Variants in FGF14 observed in about 807,000 individuals in gnomAD.
FGF14 encodes the protein fibroblast growth factor homologous factor 4.
Under a neutral mutation model 25.5 loss-of-function variants are expected in FGF14, and 5 were observed. The ratio of observed to expected loss-of-function variants is 0.20; its 90% CI spans 0.10 to 0.41. FGF14 has a LOEUF of 0.41. Ranked by LOEUF, FGF14 falls within the 10% of genes least tolerant of loss-of-function variation. The probability of loss-of-function intolerance (pLI) is 1.00; values close to 1 mark genes in which losing one functional copy is unlikely to be tolerated. For synonymous variants in FGF14, 138 were observed against 118.3 expected, an observed-to-expected ratio of 1.17 and a Z score of -1.08; for missense variants, 222 against 320.1, an observed-to-expected ratio of 0.69 and a Z score of 2.34.
At chr13:101,859,331 C>G (rs1380727647) in intron 3 of FGF14, among the ~76,000 whole-genome samples, 1 of 152,142 alleles carries the variant, frequency 6.6e-6, no homozygotes, top group Non-Finnish European at 1.5e-5. Context: ...AGATAGAACT[C>G]TTAGAATTCA....
intron 3 of FGF14, among the ~76,000 whole-genome samples, chr13:101,855,426 C>T (rs1392280618): frequency 1.3e-5 from 2 of 151,932 alleles, no homozygotes; most frequent in African/African-American, 4.8e-5. Flanking sequence ...TGGTTAAGTT[C>T]ATTTTAACAT....
intron 1 of FGF14, among the ~76,000 whole-genome samples, chr13:101,913,528 T>C (rs1050576557): frequency 1.3e-5 from 2 of 152,168 alleles, no homozygotes; most frequent in Non-Finnish European, 2.9e-5. Context: ...TTCAAAAATG[T>C]GTATTACCCT....
At chr13:101,912,138 G>A (rs147110874) in intron 1 of FGF14, among the ~76,000 whole-genome samples, 1 of 151,976 alleles carries the variant, frequency 6.6e-6, no homozygotes, top group African/African-American at 2.4e-5. Flanking sequence ...CTATCACACT[G>A]GAGCAAAGCA....
intron 1 of FGF14, among the ~76,000 whole-genome samples, chr13:102,072,179 A>G (rs188261606): frequency 6.6e-6 from 1 of 152,314 alleles, no homozygotes; most frequent in East Asian, 1.9e-4. Flanking sequence ...TAAGAGGCAG[A>G]GATAGAAGGG....
intron 1 of FGF14, among the ~76,000 whole-genome samples, chr13:101,965,853 AAC>A (rs1191706710): frequency 6.6e-6 from 1 of 152,218 alleles, no homozygotes; most frequent in Non-Finnish European, 1.5e-5. Context: ...TCCTTCATTT[AAC>A]ACAGTCCAGT....
chr13:102,114,112 C>A (rs755164488), intron 1 of FGF14, among the ~76,000 whole-genome samples: 1 of 152,108 alleles, frequency 6.6e-6, no homozygotes, highest in Non-Finnish European at 1.5e-5. Context: ...TAATCTAGTC[C>A]AAGGAGGAAA....
At chr13:101,856,869 T>A (rs191024984) in intron 3 of FGF14, among the ~76,000 whole-genome samples, 127 of 152,136 alleles carry the variant, frequency 8.3e-4, no homozygotes, top group African/African-American at 3.0e-3. Flanking sequence ...TAACACAGTA[T>A]TGCCCACCAT....
intron 3 of FGF14, among the ~76,000 whole-genome samples, chr13:101,763,878 A>G (rs1281755381): frequency 2.6e-5 from 4 of 151,494 alleles, no homozygotes; most frequent in African/African-American, 9.7e-5. Flanking sequence ...AAACAAACAA[A>G]CAAACAAAAC....
intron 1 of FGF14, among the ~76,000 whole-genome samples, chr13:102,157,896 T>TGCA (rs2047423544): frequency 6.6e-6 from 1 of 152,192 alleles, no homozygotes; most frequent in Admixed American, 6.5e-5. Flanking sequence ...AAGACATTTA[T>TGCA]GCAGCCAAAA....
chr13:101,930,068 G>A (rs977454002), intron 1 of FGF14, among the ~76,000 whole-genome samples: 1 of 152,192 alleles, frequency 6.6e-6, no homozygotes. Context: ...TTTAACGTGA[G>A]AGCTTATTCT....
At chr13:101,925,203 T>G (rs1372691981) in intron 1 of FGF14, among the ~76,000 whole-genome samples, 1 of 152,158 alleles carries the variant, frequency 6.6e-6, no homozygotes, top group African/African-American at 2.4e-5. Context: ...AACATTCAAA[T>G]GTTTTGGTAT....
intron 3 of FGF14, among the ~76,000 whole-genome samples, chr13:101,804,183 A>T (rs2041066037): frequency 6.6e-6 from 1 of 152,208 alleles, no homozygotes; most frequent in South Asian, 2.1e-4. Flanking sequence ...AACAACTTGC[A>T]GTACTTAGAG....
At chr13:101,844,031 T>C (rs1343994056) in intron 3 of FGF14, among the ~76,000 whole-genome samples, 1 of 152,038 alleles carries the variant, frequency 6.6e-6, no homozygotes, top group African/African-American at 2.4e-5. Flanking sequence ...AGTGATTATT[T>C]AAATGAAATG....
intron 1 of FGF14, among the ~76,000 whole-genome samples, chr13:102,079,630 T>C (rs1253389772): frequency 6.6e-6 from 1 of 152,130 alleles, no homozygotes; most frequent in Non-Finnish European, 1.5e-5. Context: ...CCATACATGA[T>C]ACTGGGGCAC....
chr13:102,123,687 G>T (rs1383519698), intron 1 of FGF14, among the ~76,000 whole-genome samples: 1 of 152,094 alleles, frequency 6.6e-6, no homozygotes, highest in Non-Finnish European at 1.5e-5. Context: ...TTCTATTAGA[G>T]ATAGCGGATA....
At chr13:102,149,660 TG>T (rs956714992) in intron 1 of FGF14, among the ~76,000 whole-genome samples, 2 of 151,870 alleles carry the variant, frequency 1.3e-5, no homozygotes, top group Non-Finnish European at 2.9e-5. Flanking sequence ...GACTGATTGG[TG>T]GGGAGGGGAA....
At chr13:102,221,623 A>AAC (rs34205303) in intron 1 of FGF14, among the ~76,000 whole-genome samples, 63,629 of 149,940 alleles carry the variant, frequency 0.42, 13,466 homozygotes, top group Admixed American at 0.54. Context: ...CAAACACACA[A>AAC]ACACACACAC....
intron 1 of FGF14, among the ~76,000 whole-genome samples, chr13:101,926,968 G>A (rs2034406943): frequency 1.3e-5 from 2 of 152,152 alleles, no homozygotes; most frequent in African/African-American, 4.8e-5. Flanking sequence ...CAGAGGAAGA[G>A]GAACCTCAGG....
At chr13:102,161,681 A>AGAAGAAGAAGAAGAAGAG (rs2047759141) in intron 1 of FGF14, among the ~76,000 whole-genome samples, 2 of 52,178 alleles carry the variant, frequency 3.8e-5, no homozygotes. Context: ...AAGAAGAAGA[A>AGAAGAAGAAGAAGAAGAG]GAAGAAGAAG....
Sources: allele counts gnomAD v4.1 joint callset (sites outside exome capture counted in the v4.1 genomes callset), GRCh38; gene constraint gnomAD v4.1.1; transcripts MANE v1.5; gene names NCBI Gene and HGNC (gene_info 2026-07-23, HGNC 2026-07-21).